SFXN4: variants seen among roughly 807,000 people sequenced by gnomAD.
SFXN4 encodes the protein sideroflexin-4.
Under a neutral mutation model 54.6 loss-of-function variants are expected in SFXN4, and 48 were observed. The ratio of observed to expected loss-of-function variants is 0.88; its 90% CI spans 0.70 to 1.12. SFXN4 has a LOEUF of 1.12. Ranked by LOEUF, SFXN4 falls within the 50% of genes most tolerant of loss-of-function variation. The pLI is 0.00. For synonymous variants in SFXN4, 130 were observed against 145.5 expected (o/e 0.89, Z 0.77); for missense variants, 383 against 409.2 (o/e 0.94, Z 0.55).
chr10:119,161,770 A>T (rs1689016767), intron 3 of SFXN4, among the ~76,000 whole-genome samples: 1 of 152,170 alleles, frequency 6.6e-6, no homozygotes, highest in Non-Finnish European at 1.5e-5. Context: ...TGTGCTGATG[A>T]CACACCATGC....
chr10:119,158,165 G>T, intron 6 of SFXN4, 103 bp from the exon 7 acceptor site: 3 of 1,101,588 alleles, frequency 2.7e-6, no homozygotes, highest in Non-Finnish European at 4.2e-6. Flanking sequence ...AGCCCCCAAG[G>T]AGCTGGGGCA....
At chr10:119,148,721 A>G in intron 11 of SFXN4, among the ~76,000 whole-genome samples, 1 of 152,310 alleles carries the variant, frequency 6.6e-6, no homozygotes, top group South Asian at 2.1e-4. Context: ...ACATTTTTGT[A>G]ATCTTTTCTA....
chr10:119,146,474 T>C, intron 12 of SFXN4, 121 bp from the exon 13 acceptor site: 2 of 526,288 alleles, frequency 3.8e-6, no homozygotes, highest in Non-Finnish European at 6.8e-6. Flanking sequence ...CGTGTGTGTG[T>C]ACCTGAACAC....
chr10:119,142,999 T>C (rs1846615977), intron 13 of SFXN4, among the ~76,000 whole-genome samples: 1 of 152,198 alleles, frequency 6.6e-6, no homozygotes, highest in South Asian at 2.1e-4. Context: ...CCCAAAGTGC[T>C]GGGATTACAG....
chr10:119,156,749 G>A lies in SFXN4; in HGVS notation c.545C>T (p.Pro182Leu). ...VASSTFLGVI[P>L]QFVQMKYGLT... ...GCCATACTTCATCTGGACAAACTGA[G>A]GGATTACCTAGAAAAGAAGAGAGAA... Residue 182 changes from proline (P) to leucine (L), a missense_variant, in exon 10 of 14, where the codon CCT becomes CTT. Physicochemically the swap from Pro to Leu is moderately conservative, Grantham distance 98. Coordinates refer to ENST00000355697, the MANE Select transcript of SFXN4 (RefSeq NM_213649.2). 5 of 1,607,912 alleles carry A rather than the reference G, an allele frequency of 3.1e-6. No individual in the cohort carries two copies. Among genetic ancestry groups the A allele is most frequent in the South Asian group, 2.2e-5 (2 of 90,274 alleles).
chr10:119,163,870 G>A (rs759695681), intron 2 of SFXN4, among the ~76,000 whole-genome samples: 3 of 151,600 alleles, frequency 2.0e-5, no homozygotes, highest in Non-Finnish European at 4.4e-5. Flanking sequence ...AGAAACCCCC[G>A]TCTCTACTAA....
At chr10:119,157,567 CTAAATTGTT>C in intron 9 of SFXN4, 92 bp downstream of exon 9, 1 of 961,514 alleles carries the variant, frequency 1.0e-6, no homozygotes, top group Non-Finnish European at 1.6e-6. Flanking sequence ...GTCATATTTT[CTAAATTGTT>C]TAAATTGGAA....
At chr10:119,147,423 T>C (rs1212113775) in intron 12 of SFXN4, among the ~76,000 whole-genome samples, 6 of 152,134 alleles carry the variant, frequency 3.9e-5, no homozygotes, top group African/African-American at 1.2e-4. Context: ...AATGGGGGTT[T>C]AGAGAGGAGG....
Position 119,158,346 on chromosome 10 carries a change from T to C in SFXN4, c.361-284A>G, listed in dbSNP as rs4751700. Among the ~76,000 whole-genome samples, 149,882 of 152,198 alleles carry C rather than the reference T, an allele frequency of 0.98. 73,840 individuals carry two copies. The highest frequency in any genetic ancestry group is 1 in the Middle Eastern group (294 of 294). On this transcript the variant is annotated intron_variant, in intron 6 of 13. Coordinates refer to ENST00000355697, the MANE Select transcript of SFXN4 (RefSeq NM_213649.2). ...AAGATGTACACATTTGTTAGCTGGG[T>C]GCAGTGGCTCACTCCTATAATCCCA... is the stretch of plus-strand genomic sequence containing the variant.
intron 12 of SFXN4, among the ~76,000 whole-genome samples, chr10:119,147,412 G>C (rs1846862654): frequency 6.6e-6 from 1 of 152,182 alleles, no homozygotes; most frequent in African/African-American, 2.4e-5. Flanking sequence ...AACATACTTG[G>C]AATGGGGGTT....
intron 3 of SFXN4, chr10:119,162,052 G>A (rs1346030076): frequency 2.3e-6 from 1 of 434,994 alleles, no homozygotes; most frequent in East Asian, 4.1e-5. Flanking sequence ...ATCAGCTGCA[G>A]GGAATCCCCA....
Position 119,155,144 on chromosome 10 carries a change from C to T in SFXN4, c.650G>A (p.Arg217Gln), listed in dbSNP as rs200465740. The change falls in exon 11 of 14, where the codon CGA becomes CAA. Residue 217 changes from arginine to glutamine, a missense_variant. Arg to Gln is a conservative substitution (Grantham distance 43, BLOSUM62 1). Transcript: ENST00000355697. ...AATCCCCTTAATGGATTCAAGACTT[C>T]GGGACATGTAGACATTCATTCCACT... is the stretch of plus-strand genomic sequence containing the variant. ...QASGMNVYMS[R>Q]SLESIKGIAV... is the part of the protein sequence containing the mutation. 197 of 1,614,068 alleles carry T rather than the reference C, an allele frequency of 1.2e-4. No individual in the cohort carries two copies. Among genetic ancestry groups the T allele is most frequent in the Non-Finnish European group, 1.6e-4 (192 of 1,179,928 alleles).
chr10:119,146,555 G>A (rs1564814859), intron 12 of SFXN4, among the ~76,000 whole-genome samples: 1 of 151,280 alleles, frequency 6.6e-6, no homozygotes, highest in Non-Finnish European at 1.5e-5. Flanking sequence ...TTTTTTTGTT[G>A]TTTTTGTTTG....
rs199548825 is a variant in SFXN4 at position 119,159,707 on chromosome 10, G to A, written c.360+21C>T. On this transcript the variant is annotated intron_variant, in intron 6 of 13. Transcript: ENST00000355697. ...CTTCCCAAGCCCCTAGTCTCCTAACGGCAAATGTCTGCTTGCTCACCGTGG... is the reference window on the plus strand; with the variant it reads ...CTTCCCAAGCCCCTAGTCTCCTAACAGCAAATGTCTGCTTGCTCACCGTGG... The A allele has an allele frequency of 1.9e-4, 314 of 1,613,660 alleles. No homozygotes were observed. The African/African-American group carries it at 3.2e-3, about 17-fold the overall frequency.
At chr10:119,146,204 C>T in intron 13 of SFXN4, 32 bp downstream of exon 13, 2 of 1,192,302 alleles carry the variant, frequency 1.7e-6, no homozygotes, top group Non-Finnish European at 2.4e-6. Context: ...AAATAAAAAA[C>T]TTTGAGAGAA....
intron 10 of SFXN4, among the ~76,000 whole-genome samples, chr10:119,155,810 A>G (rs1211035661): frequency 6.6e-6 from 1 of 152,146 alleles, no homozygotes; most frequent in African/African-American, 2.4e-5. Flanking sequence ...TAAGGTTTCT[A>G]TAACACCATT....
chr10:119,158,199 G>C, intron 6 of SFXN4, 137 bp from the exon 7 acceptor site: 5 of 772,828 alleles, frequency 6.5e-6, no homozygotes, highest in Non-Finnish European at 9.0e-6. Flanking sequence ...GTGGGTACAG[G>C]GGCTGCCGGT....
At chr10:119,146,975 G>A (rs1440146653) in intron 12 of SFXN4, among the ~76,000 whole-genome samples, 2 of 152,182 alleles carry the variant, frequency 1.3e-5, no homozygotes, top group African/African-American at 4.8e-5. Context: ...CCTAACTCAG[G>A]CCCACAGAAT....
intron 11 of SFXN4, among the ~76,000 whole-genome samples, chr10:119,154,414 C>T (rs1288379051): frequency 4.6e-5 from 7 of 152,142 alleles, no homozygotes; most frequent in East Asian, 1.9e-4. Context: ...TGCCCAGGTG[C>T]GGTGGTGCAC....
Sources: gnomAD v4.1 joint callset for allele counts (sites outside exome capture counted in the v4.1 genomes callset) on GRCh38, gnomAD v4.1.1 for gene constraint, MANE v1.5 for transcripts, NCBI Gene and HGNC (gene_info 2026-07-23, HGNC 2026-07-21) for gene names.